The following VWC2L variants were observed in gnomAD, a reference collection of about 807,000 sequenced individuals.
VWC2L encodes von Willebrand factor C domain-containing protein 2-like.
Under a neutral mutation model 21.6 loss-of-function variants are expected in VWC2L, and 10 were observed. That is an observed-to-expected ratio of 0.46 (90% CI 0.29 to 0.78). The LOEUF (loss-of-function observed/expected upper bound fraction) is 0.78, where lower values mean the gene tolerates loss of function less well. Among genes scored for constraint, VWC2L ranks in the 30% least tolerant of loss-of-function variants. The probability of loss-of-function intolerance (pLI) is 0.10; values close to 1 mark genes in which losing one functional copy is unlikely to be tolerated. For synonymous variants in VWC2L, 96 were observed against 94.3 expected, an observed-to-expected ratio of 1.02 and a Z score of -0.10; for missense variants, 209 against 277.1, an observed-to-expected ratio of 0.75 and a Z score of 1.74.
chr2:214,570,232 C>T (rs1690130170), intron 3 of VWC2L, among the ~76,000 whole-genome samples: 2 of 152,152 alleles, frequency 1.3e-5, no homozygotes, highest in African/African-American at 4.8e-5. Context: ...AGCAACTCTG[C>T]TGTTATATAT....
chr2:214,529,660 A>T (rs908716220), intron 3 of VWC2L, among the ~76,000 whole-genome samples: 1 of 152,178 alleles, frequency 6.6e-6, no homozygotes, highest in Non-Finnish European at 1.5e-5. Flanking sequence ...TTGCAGCTTT[A>T]TATCTAAATT....
In VWC2L at chr2:214,515,929, T is replaced by A. The variant is rs187807817; in HGVS notation, c.521-59743T>A. ...AACCAGACCTCTATTCTTGGAAATT[T>A]GAACACAACATTCTTTCTACCTCTT... is the stretch of plus-strand genomic sequence containing the variant. On this transcript the variant is annotated intron_variant, in intron 3 of 3. Transcript: ENST00000312504. Among the ~76,000 whole-genome samples the A allele has an allele frequency of 4.6e-5, 7 of 152,290 alleles. No individual in the cohort carries two copies. In the East Asian group the frequency reaches 1.4e-3, roughly 29 times the overall value.
chr2:214,490,791 C>G lies in VWC2L; in HGVS notation c.520+54033C>G, dbSNP rs147961444. On this transcript the variant is annotated intron_variant, in intron 3 of 3. Transcript: ENST00000312504. ...AGGAGGAAGAGAGAGGTCAAGCTCT[C>G]AATTGCTGCATAGAAGTTAAACAGA... 5.3e-5 allele frequency among the ~76,000 whole-genome samples: 8 copies of G among 152,252 alleles called. No individual in the cohort carries two copies. In the East Asian group the frequency reaches 1.5e-3, roughly 29 times the overall value.
rs951193990 is a variant in VWC2L at position 214,576,286 on chromosome 2, A to G, written c.*466A>G. The G allele has an allele frequency of 3.3e-5, 5 of 152,150 alleles. No homozygotes were observed. The highest frequency in any genetic ancestry group is 3.3e-4 in the Admixed American group (5 of 15,268). 9.4% of individuals were successfully genotyped at this position (152,150 alleles called of 1,614,324 possible). ...CACAGTAAAGTTTTGAGTTGTGTAA[A>G]AAAAAAAGTTTGGTAAAGGAATGTC... On this transcript the variant is annotated 3_prime_UTR_variant, in exon 4 of 4. Transcript: ENST00000312504.
chr2:214,497,462 A>T (rs568370591), intron 3 of VWC2L, among the ~76,000 whole-genome samples: 1 of 152,252 alleles, frequency 6.6e-6, no homozygotes, highest in African/African-American at 2.4e-5. Flanking sequence ...TTGAGCCATG[A>T]TCCTTCTTCA....
chr2:214,505,039 G>A (rs752072769), intron 3 of VWC2L, among the ~76,000 whole-genome samples: 3 of 152,118 alleles, frequency 2.0e-5, no homozygotes, highest in Admixed American at 6.5e-5. Flanking sequence ...GCTATTTCCT[G>A]TCCACCTCCA....
At chr2:214,491,212 G>A (rs1273997205) in intron 3 of VWC2L, among the ~76,000 whole-genome samples, 1 of 152,126 alleles carries the variant, frequency 6.6e-6, no homozygotes, top group Non-Finnish European at 1.5e-5. Flanking sequence ...CCATTGCATG[G>A]CAAATGATAT....
chr2:214,425,942 C>A (rs1490669907), intron 2 of VWC2L, among the ~76,000 whole-genome samples: 1 of 151,840 alleles, frequency 6.6e-6, no homozygotes, highest in Non-Finnish European at 1.5e-5. Flanking sequence ...GAGGCTGAGG[C>A]GGGCAGATCA....
chr2:214,567,577 C>CAGAGAG (rs1197923993), intron 3 of VWC2L, among the ~76,000 whole-genome samples: 10 of 73,798 alleles, frequency 1.4e-4, no homozygotes, highest in South Asian at 6.0e-4. Flanking sequence ...CACACACACA[C>CAGAGAG]ACACACACAC....
At chr2:214,480,864 C>CAAAAAAA (rs59720596) in intron 3 of VWC2L, among the ~76,000 whole-genome samples, 41 of 71,498 alleles carry the variant, frequency 5.7e-4, no homozygotes, top group Admixed American at 6.7e-4. Flanking sequence ...TATGCCAAGC[C>CAAAAAAA]AAAAAAAAAA....
At chr2:214,417,636 A>G (rs1702376480) in intron 2 of VWC2L, among the ~76,000 whole-genome samples, 1 of 152,142 alleles carries the variant, frequency 6.6e-6, no homozygotes. Flanking sequence ...TGGAAGCTAG[A>G]TATGACTAAA....
Position 214,577,667 on chromosome 2 carries a change from A to T in VWC2L, c.*1847A>T, listed in dbSNP as rs1450658363. ...TTCTCCATAGAGAGTGAGGCTTCTAATGCTATAGGCCCACCCTCAGGAAAC... is the reference window on the plus strand; with the variant it reads ...TTCTCCATAGAGAGTGAGGCTTCTATTGCTATAGGCCCACCCTCAGGAAAC... On this transcript the variant is annotated 3_prime_UTR_variant, in exon 4 of 4. Coordinates refer to ENST00000312504, the MANE Select transcript of VWC2L (RefSeq NM_001080500.4). 6.6e-6 allele frequency: 1 copy of T among 152,180 alleles called. No homozygotes were observed. The highest frequency in any genetic ancestry group is 1.5e-5 in the Non-Finnish European group (1 of 68,038). 9.4% of individuals were successfully genotyped at this position (152,180 alleles called of 1,614,324 possible).
chr2:214,465,593 T>A (rs1431275211), intron 3 of VWC2L, among the ~76,000 whole-genome samples: 1 of 152,172 alleles, frequency 6.6e-6, no homozygotes, highest in Non-Finnish European at 1.5e-5. Flanking sequence ...TCTGTCTGGG[T>A]GATGCAAGCA....
intron 3 of VWC2L, among the ~76,000 whole-genome samples, chr2:214,569,639 C>G (rs1438598017): frequency 6.6e-6 from 1 of 152,114 alleles, no homozygotes; most frequent in Non-Finnish European, 1.5e-5. Flanking sequence ...TCTTCCTGGC[C>G]ACTTCACTGA....
intron 3 of VWC2L, among the ~76,000 whole-genome samples, chr2:214,457,525 G>A (rs370333997): frequency 4.6e-5 from 7 of 151,994 alleles, no homozygotes; most frequent in African/African-American, 1.7e-4. Flanking sequence ...CAAGTACTGC[G>A]TTGAGTAGGA....
intron 3 of VWC2L, among the ~76,000 whole-genome samples, chr2:214,479,673 C>T (rs187584137): frequency 1.3e-5 from 2 of 152,162 alleles, no homozygotes; most frequent in Admixed American, 6.5e-5. Context: ...GGTATGGTGG[C>T]GGGTGCCTGT....
At chr2:214,488,871 T>C (rs1003769956) in intron 3 of VWC2L, among the ~76,000 whole-genome samples, 2 of 152,054 alleles carry the variant, frequency 1.3e-5, no homozygotes, top group East Asian at 1.9e-4. Flanking sequence ...CAACCAGTTC[T>C]CACAGGAACT....
At chr2:214,526,547 G>A (rs747201119) in intron 3 of VWC2L, among the ~76,000 whole-genome samples, 1 of 152,130 alleles carries the variant, frequency 6.6e-6, no homozygotes, top group Non-Finnish European at 1.5e-5. Flanking sequence ...CAAAATATAA[G>A]AGGATTCAAA....
intron 3 of VWC2L, among the ~76,000 whole-genome samples, chr2:214,522,141 C>T (rs537124313): frequency 3.3e-5 from 5 of 152,118 alleles, no homozygotes; most frequent in South Asian, 2.1e-4. Flanking sequence ...TTTGGGAGGC[C>T]GAAGCGGGTG....
Sources: gnomAD v4.1 joint callset for allele counts (sites outside exome capture counted in the v4.1 genomes callset) on GRCh38, gnomAD v4.1.1 for gene constraint, MANE v1.5 for transcripts, NCBI Gene and HGNC (gene_info 2026-07-23, HGNC 2026-07-21) for gene names.